The following PSG8 variants were observed in gnomAD, a reference collection of about 807,000 sequenced individuals.
The protein encoded by PSG8 is pregnancy-specific beta-1-glycoprotein 8.
PSG8 carries 57 observed loss-of-function variants against 42.5 expected under a neutral mutation model. That is an observed-to-expected ratio of 1.34 (90% confidence interval 1.08 to 1.67). The LOEUF is 1.67. Among genes scored for constraint, PSG8 ranks in the 40% most tolerant of loss-of-function variants. The pLI, the probability that PSG8 is intolerant of heterozygous loss-of-function variation, is 0.00. For synonymous variants in PSG8, 280 were observed against 196.8 expected (o/e 1.42, Z -3.54); for missense variants, 783 against 518.6 (o/e 1.51, Z -4.95).
chr19:42,762,949 C>T (rs572818788), intron 2 of PSG8, among the ~76,000 whole-genome samples: 1 of 152,214 alleles, frequency 6.6e-6, no homozygotes, highest in South Asian at 2.1e-4. Flanking sequence ...ACCCTGATCT[C>T]CCCTTTGTGA....
chr19:42,760,267 T>A (rs1303836675), intron 2 of PSG8, among the ~76,000 whole-genome samples: 3 of 152,194 alleles, frequency 2.0e-5, no homozygotes, highest in Middle Eastern at 3.4e-3. Flanking sequence ...CAGTTGTATG[T>A]GGCAAAGGCA....
Position 42,754,287 on chromosome 19 carries a change from G to A in PSG8, c.*8C>T. ...CTGACTCTTCCCTGAAGGCCAGATA[G>A]ACTCCACCTAAATCCCTATTGCCAA... On this transcript the variant is annotated 3_prime_UTR_variant, in exon 5 of 5. Transcript: ENST00000306511. 1.2e-6 allele frequency: 2 copies of A among 1,612,256 alleles called. No individual in the cohort carries two copies. Among genetic ancestry groups the A allele is most frequent in the Admixed American group, 1.7e-5 (1 of 59,930 alleles).
rs774953276 is a variant in PSG8, at chr19:42,755,052, A to T, written c.924T>A (p.Tyr308Ter). ...PSVTRNETGP[Y>*]QCEIRDQYGG... is the part of the protein sequence containing the mutation. Reference sequence around the variant, plus strand: ...CATATTGGTCCCTTATTTCACATTGATAGGGTCCTGTTTCATTTCTCGTGA... The same window carrying T: ...CATATTGGTCCCTTATTTCACATTGTTAGGGTCCTGTTTCATTTCTCGTGA... Residue 308 changes from tyrosine to a stop codon, truncating the protein, a stop_gained, in exon 4 of 5, where the codon TAT (tyrosine) becomes TAA (stop). Transcript: ENST00000306511. LOFTEE classifies it high-confidence loss of function. 6.8e-6 allele frequency: 11 copies of T among 1,612,856 alleles called. No individual in the cohort carries two copies. Among genetic ancestry groups the T allele is most frequent in the South Asian group, 1.1e-5 (1 of 91,044 alleles).
chr19:42,753,261 T>C (rs1465690545), downstream of PSG8: 4 of 779,130 alleles, frequency 5.1e-6, no homozygotes, highest in East Asian at 4.9e-5. Flanking sequence ...AAATTTACAT[T>C]GAGTTGTCCA....
At chr19:42,753,061 G>A (rs1230178998), downstream of PSG8, 1 of 589,570 alleles carries the variant, frequency 1.7e-6, no homozygotes, top group Non-Finnish European at 3.0e-6. Flanking sequence ...GCATGAGCAA[G>A]GACAGTTAAG....
In PSG8 at chr19:42,756,781, G is replaced by T. The variant is rs534404017; in HGVS notation, c.709+1221C>A. ...TCATCAGAACTTTCCACCTTTTCAT[G>T]GTTGCCTCTTTTTCTCAGTGTATCT... On this transcript the variant is annotated intron_variant, in intron 3 of 4. Coordinates refer to ENST00000306511, the MANE Select transcript of PSG8 (RefSeq NM_182707.3). 3.9e-5 allele frequency among the ~76,000 whole-genome samples: 6 copies of T among 152,020 alleles called. No homozygotes were observed. The South Asian group carries it at 8.3e-4, about 21-fold the overall frequency.
chr19:42,753,167 C>G, downstream of PSG8: 1 of 721,448 alleles, frequency 1.4e-6, no homozygotes, highest in Non-Finnish European at 2.5e-6. Context: ...TCCTGGTTTA[C>G]AGTTTGAGCA....
At chr19:42,760,749 A>AT (rs762754102) in intron 2 of PSG8, among the ~76,000 whole-genome samples, 1 of 151,862 alleles carries the variant, frequency 6.6e-6, no homozygotes, top group Non-Finnish European at 1.5e-5. Flanking sequence ...TGGCTGGCTA[A>AT]TTTTTTGTAT....
chr19:42,764,559 C>T (rs1030332205), intron 1 of PSG8, among the ~76,000 whole-genome samples: 4 of 151,938 alleles, frequency 2.6e-5, no homozygotes, highest in African/African-American at 9.7e-5. Context: ...AATCCTCTTC[C>T]CCAGGGGTCC....
chr19:42,764,937 G>T (rs1180837031), intron 1 of PSG8, among the ~76,000 whole-genome samples: 5 of 151,958 alleles, frequency 3.3e-5, no homozygotes, highest in African/African-American at 1.2e-4. Context: ...CATGCCCTGT[G>T]TATATTTTTA....
downstream of PSG8, among the ~76,000 whole-genome samples, chr19:42,753,745 C>T (rs1191669504): frequency 1.3e-5 from 2 of 152,168 alleles, no homozygotes; most frequent in African/African-American, 2.4e-5. Context: ...CTATCTATAT[C>T]CTTAAATATA....
chr19:42,756,998 GT>G (rs1969943238), intron 3 of PSG8, among the ~76,000 whole-genome samples: 1 of 151,668 alleles, frequency 6.6e-6, no homozygotes, highest in Non-Finnish European at 1.5e-5. Context: ...TATTGATATC[GT>G]CTTTAACTTG....
Position 42,755,253 on chromosome 19 carries a change from C to A in PSG8, c.723G>T (p.Lys241Asn). The part of the protein sequence containing the change: ...FTLNLLPKLP[K>N]PYITINNLKP... ...TTAAGTTGTTGATGGTGATGTAGGGCTTGGGCAGCTTCGCTGTGTGGATAA... is the reference window on the plus strand; with the variant it reads ...TTAAGTTGTTGATGGTGATGTAGGGATTGGGCAGCTTCGCTGTGTGGATAA... Residue 241 changes from lysine (K) to asparagine (N), a missense_variant, in exon 4 of 5, where the codon AAG becomes AAT. Physicochemically the swap from Lys to Asn is moderately conservative, Grantham distance 94. Transcript: ENST00000306511. 6.2e-7 allele frequency: 1 copy of A among 1,612,218 alleles called. No individual in the cohort carries two copies. Among genetic ancestry groups the A allele is most frequent in the Non-Finnish European group, 8.5e-7 (1 of 1,179,764 alleles).
At chr19:42,762,489 C>G (rs905907997) in intron 2 of PSG8, among the ~76,000 whole-genome samples, 1 of 152,042 alleles carries the variant, frequency 6.6e-6, no homozygotes, top group African/African-American at 2.4e-5. Context: ...ATTCTGCATG[C>G]AAATTCAGTC....
In PSG8 at chr19:42,754,517, G is replaced by A. The variant is rs1969864311; in HGVS notation, c.1059C>T (p.Ser353=). 8 of 1,613,734 alleles carry A rather than the reference G, an allele frequency of 5.0e-6. No individual in the cohort carries two copies. The highest frequency in any genetic ancestry group is 1.7e-5 in the Admixed American group (1 of 59,966). Residue 353 remains serine (S), a synonymous_variant, in exon 5 of 5, where the codon TCC becomes TCT. Coordinates refer to ENST00000306511, the MANE Select transcript of PSG8 (RefSeq NM_182707.3). Reference sequence around the variant, plus strand: ...CCGGTGGGTTAGAGTCCGCAGAACAGGACAAGTAGAGGACTTCTCCTGAAC... The same window carrying A: ...CCGGTGGGTTAGAGTCCGCAGAACAAGACAAGTAGAGGACTTCTCCTGAAC... ...YYRSGEVLYL[S]CSADSNPPAQ... is the part of the protein sequence containing the mutation.
chr19:42,753,112 C>T, downstream of PSG8: 1 of 636,440 alleles, frequency 1.6e-6, no homozygotes, highest in Non-Finnish European at 2.8e-6. Context: ...CTTGTTCTGA[C>T]ATCTTGGGAA....
intron 2 of PSG8, among the ~76,000 whole-genome samples, chr19:42,762,973 G>A (rs1381482485): frequency 6.6e-6 from 1 of 152,056 alleles, no homozygotes; most frequent in Non-Finnish European, 1.5e-5. Flanking sequence ...TGTGACTCTG[G>A]CTCAGGGACT....
intron 3 of PSG8, among the ~76,000 whole-genome samples, chr19:42,756,661 G>T (rs1289715880): frequency 6.6e-6 from 1 of 151,958 alleles, no homozygotes; most frequent in Non-Finnish European, 1.5e-5. Context: ...TTGGTGATTA[G>T]TTTTCGGTGA....
At chr19:42,754,900 T>C (rs984974729) in intron 4 of PSG8, 88 bp downstream of exon 4, 17 of 1,569,330 alleles carry the variant, frequency 1.1e-5, no homozygotes, top group African/African-American at 9.5e-5. Flanking sequence ...TGTCTATACT[T>C]GGACCAGAGA....
Sources: gnomAD v4.1 joint callset for allele counts (sites outside exome capture counted in the v4.1 genomes callset) on GRCh38, gnomAD v4.1.1 for gene constraint, MANE v1.5 for transcripts, NCBI Gene and HGNC (gene_info 2026-07-23, HGNC 2026-07-21) for gene names.